The following FKBP4 variants were observed in gnomAD, a reference collection of about 807,000 sequenced individuals.
FKBP4 encodes peptidyl-prolyl cis-trans isomerase FKBP4.
FKBP4 carries 28 observed loss-of-function variants against 54.1 expected under a neutral mutation model. The ratio of observed to expected loss-of-function variants is 0.52; its 90% confidence interval spans 0.38 to 0.71. The LOEUF (loss-of-function observed/expected upper bound fraction) is 0.71. Among genes scored for constraint, FKBP4 ranks in the 30% least tolerant of loss-of-function variants. The pLI, the probability that FKBP4 is intolerant of heterozygous loss-of-function variation, is 0.00. For missense variants in FKBP4, 493 were observed against 574.4 expected, an observed-to-expected ratio of 0.86 and a Z score of 1.45; for synonymous variants, 223 against 216.1, an observed-to-expected ratio of 1.03 and a Z score of -0.28.
intron 3 of FKBP4, 79 bp downstream of exon 3, chr12:2,797,950 C>T (rs2097902800): frequency 6.6e-7 from 1 of 1,521,322 alleles, no homozygotes; most frequent in African/African-American, 1.4e-5. Context: ...TCCAGCCCTT[C>T]CTGCTTCTTG....
intron 8 of FKBP4, 90 bp downstream of exon 8, chr12:2,800,667 G>T: frequency 7.5e-7 from 1 of 1,332,102 alleles, no homozygotes; most frequent in Admixed American, 2.5e-5. Context: ...TTGGTGACTA[G>T]GGCAGGGATA....
chr12:2,795,256 CGGGGCCTGCGGAGGCGTCGGAACCCG>C lies in FKBP4; in HGVS notation c.105+16_105+41del. 7.7e-7 allele frequency: 1 copy of C among 1,293,426 alleles called. No homozygotes were observed. The highest frequency in any genetic ancestry group is 9.9e-7 in the Non-Finnish European group (1 of 1,009,188). 80.1% of individuals were successfully genotyped at this position (1,293,426 alleles called of 1,614,324 possible). On this transcript the variant is annotated intron_variant, in intron 1 of 9. Coordinates refer to ENST00000001008, the MANE Select transcript of FKBP4 (RefSeq NM_002014.4). This position sits in a 1 kb window ranked among gnomAD's most constrained non-coding sequence, Gnocchi z 4.3. ...AAGGCGTGCTGAAGGTGAGGGGCGGCGGGGCCTGCGGAGGCGTCGGAACCCGGGGCCCCGCGGGCCGCCCTTCCGCC... is the reference window on the plus strand; with the variant it reads ...AAGGCGTGCTGAAGGTGAGGGGCGGCGGGCCCCGCGGGCCGCCCTTCCGCC...
At chr12:2,796,089 G>GT in intron 1 of FKBP4, 1 of 1,196,790 alleles carries the variant, frequency 8.4e-7, no homozygotes, top group African/African-American at 1.6e-5. Flanking sequence ...CCTGCCTTGG[G>GT]TCGGAGCAGG....
chr12:2,803,461 C>G lies in FKBP4; in HGVS notation c.*203C>G. On this transcript the variant is annotated 3_prime_UTR_variant, in exon 10 of 10. Coordinates refer to ENST00000001008, the MANE Select transcript of FKBP4 (RefSeq NM_002014.4). The stretch of plus-strand genomic sequence containing the variant: ...ATCATTTTAGCTGGTGTCAGCCCCT[C>G]TTCCCTTCCTCCATTGCACATGAAC... 1.8e-6 allele frequency: 1 copy of G among 568,100 alleles called. No homozygotes were observed. The highest frequency in any genetic ancestry group is 2.2e-5 in the South Asian group (1 of 46,406). 35.2% of individuals were successfully genotyped at this position (568,100 alleles called of 1,614,324 possible).
rs1463842954 is a variant in FKBP4 at position 2,803,987 on chromosome 12, G to A, written c.*729G>A. On this transcript the variant is annotated 3_prime_UTR_variant, in exon 10 of 10. Coordinates refer to ENST00000001008, the MANE Select transcript of FKBP4 (RefSeq NM_002014.4). Reference sequence around the variant, plus strand: ...TTTCTGTTCAGCCTTGGAGTGGTGGGTATGGGTGGGTACATAATGGGTAGT... The same window carrying A: ...TTTCTGTTCAGCCTTGGAGTGGTGGATATGGGTGGGTACATAATGGGTAGT... 1 of 152,768 alleles carries A rather than the reference G, an allele frequency of 6.5e-6. No homozygotes were observed. The highest frequency in any genetic ancestry group is 1.5e-5 in the Non-Finnish European group (1 of 68,148). 9.5% of individuals were successfully genotyped at this position (152,768 alleles called of 1,614,324 possible). A position where few individuals can be genotyped will look rare whatever the true frequency, so the allele number is the denominator to read the frequency against.
At position 2,800,375 on chromosome 12, in the gene FKBP4, CCT is replaced by C. The variant is rs750364400; in HGVS notation, c.847-11_847-10del. On this transcript the variant is annotated splice_polypyrimidine_tract_variant and intron_variant, in intron 7 of 9. Coordinates refer to ENST00000001008, the MANE Select transcript of FKBP4 (RefSeq NM_002014.4). ...ACTGAAACTGTGCCAGGTGCCTGAG[CCT>C]CTCTCCCATTCCAGGAAGGTAAATA... is the stretch of plus-strand genomic sequence containing the variant. The C allele has an allele frequency of 5.0e-6, 8 of 1,599,178 alleles. No homozygotes were observed. The highest frequency in any genetic ancestry group is 4.5e-5 in the South Asian group (4 of 87,920).
intron 3 of FKBP4, 121 bp downstream of exon 3, chr12:2,797,992 C>T: frequency 1.6e-6 from 2 of 1,244,228 alleles, no homozygotes; most frequent in African/African-American, 3.0e-5. Context: ...AGGGTCTGGC[C>T]TTATGGGAGG....
In FKBP4 at chr12:2,797,340, G is replaced by A; in HGVS notation, c.250+58G>A. The A allele has an allele frequency of 1.9e-6, 3 of 1,598,954 alleles. No homozygotes were observed. The South Asian group carries it at 3.4e-5, about 18-fold the overall frequency. On this transcript the variant is annotated intron_variant, in intron 2 of 9. Transcript: ENST00000001008. ...TCGAGGTGGACACAAGCTGTCACAA[G>A]CAGAAACCATTTTCTCAGGACCAAG...
rs918813712 is a variant in FKBP4, at chr12:2,803,201, G to A, written c.1323G>A (p.Lys441=). The change falls in exon 10 of 10, where the codon AAG becomes AAA. Residue 441 remains lysine, a synonymous_variant. Transcript: ENST00000001008. ...SGDHPTDTEM[K]EEQKSNTAGS... ...ACCATCCCACTGACACAGAGATGAA[G>A]GAGGAGCAGAAGAGCAACACGGCAG... The A allele has an allele frequency of 2.5e-6, 4 of 1,606,048 alleles. No individual in the cohort carries two copies. Among genetic ancestry groups the A allele is most frequent in the Non-Finnish European group, 3.4e-6 (4 of 1,176,394 alleles).
intron 5 of FKBP4, 118 bp downstream of exon 5, chr12:2,799,362 C>T: frequency 9.4e-7 from 1 of 1,059,828 alleles, no homozygotes; most frequent in East Asian, 2.7e-5. Flanking sequence ...CAAACATACA[C>T]CATTATGATA....
At position 2,798,860 on chromosome 12, in the gene FKBP4, T is replaced by C. The variant is rs1472446271; in HGVS notation, c.514+34T>C. 1 of 1,607,762 alleles carries C rather than the reference T, an allele frequency of 6.2e-7. No individual in the cohort carries two copies. The highest frequency in any genetic ancestry group is 1.1e-5 in the South Asian group (1 of 90,966). ...GTACAGTCTGGGCTTTCAATTCTCA[T>C]TCTGATATTTAGGCCTTGTGTGGCT... is the stretch of plus-strand genomic sequence containing the variant. On this transcript the variant is annotated intron_variant, in intron 4 of 9. Coordinates refer to ENST00000001008, the MANE Select transcript of FKBP4 (RefSeq NM_002014.4). This position sits in a 1 kb window ranked among gnomAD's most constrained non-coding sequence, Gnocchi z 4.3.
chr12:2,797,864 T>C lies in FKBP4; in HGVS notation c.386T>C (p.Val129Ala). ...PPKIPPNATL[V>A]FEVELFEFKG... ...AAGATTCCCCCCAATGCCACGCTTG[T>C]ATTTGAGGTGAGTGTTTGGTCACTG... Residue 129 changes from valine to alanine, a missense_variant, in exon 3 of 10, where the codon GTA becomes GCA. Val to Ala is a moderately conservative substitution (Grantham distance 64, BLOSUM62 0). Transcript: ENST00000001008. 6.2e-7 allele frequency: 1 copy of C among 1,613,196 alleles called. No homozygotes were observed. Among genetic ancestry groups the C allele is most frequent in the Non-Finnish European group, 8.5e-7 (1 of 1,179,394 alleles).
rs376403617 is a variant in FKBP4 at position 2,805,234 on chromosome 12, A to G, written c.*1976A>G. ...TCTCTGAACTAATCCAGACTCTCCC[A>G]TGAGGTTCCTTTGGCAAGTCCTGGG... On this transcript the variant is annotated 3_prime_UTR_variant, in exon 10 of 10. Transcript: ENST00000001008. 4.4e-6 allele frequency: 2 copies of G among 453,920 alleles called. No individual in the cohort carries two copies. Among genetic ancestry groups the G allele is most frequent in the Non-Finnish European group, 8.8e-6 (2 of 226,216 alleles). 28.1% of individuals were successfully genotyped at this position (453,920 alleles called of 1,614,324 possible).
intron 9 of FKBP4, 131 bp from the exon 10 acceptor site, chr12:2,803,020 G>C (rs2097905690): frequency 6.0e-6 from 4 of 662,564 alleles, no homozygotes; most frequent in Non-Finnish European, 1.1e-5. Flanking sequence ...AAGCCACCAG[G>C]CTTGGCCTAT....
rs796742857 is a variant in FKBP4, at chr12:2,798,212, C to G, written c.393+341C>G. Among the ~76,000 whole-genome samples, 1 of 152,304 alleles carries G rather than the reference C, an allele frequency of 6.6e-6. No individual in the cohort carries two copies. The highest frequency in any genetic ancestry group is 2.4e-5 in the African/African-American group (1 of 41,560). The stretch of plus-strand genomic sequence containing the variant: ...AATGGCAGTACAGAATATTGGTGCT[C>G]TAGAGACCAGAAGAGGGAGCAGTAG... On this transcript the variant is annotated intron_variant, in intron 3 of 9. Coordinates refer to ENST00000001008, the MANE Select transcript of FKBP4 (RefSeq NM_002014.4). The surrounding 1 kb of genome is among the most constrained non-coding windows in gnomAD (Gnocchi z 4.3).
chr12:2,801,408 G>A (rs770067112), intron 9 of FKBP4, 52 bp downstream of exon 9: 2 of 1,605,082 alleles, frequency 1.2e-6, no homozygotes, highest in Admixed American at 3.4e-5. Context: ...ACTTAACCTG[G>A]CTACTGTGGG....
Position 2,805,085 on chromosome 12 carries a change from G to A in FKBP4, c.*1827G>A, listed in dbSNP as rs1044297818. The A allele has an allele frequency of 8.9e-6, 4 of 449,348 alleles. No individual in the cohort carries two copies. Among genetic ancestry groups the A allele is most frequent in the Admixed American group, 7.2e-5 (3 of 41,800 alleles). The allele number at this position is 449,348 out of a possible 1,614,324, so 27.8% of individuals were successfully genotyped here. On this transcript the variant is annotated 3_prime_UTR_variant, in exon 10 of 10. Coordinates refer to ENST00000001008, the MANE Select transcript of FKBP4 (RefSeq NM_002014.4). ...GCATTTATGGAGTAAGCCTAGCACT[G>A]TACTGACAGCATCACATGAGTGAAA...
At chr12:2,799,787 C>G (rs1470595550) in intron 5 of FKBP4, 63 bp from the exon 6 acceptor site, 12 of 1,423,184 alleles carry the variant, frequency 8.4e-6, no homozygotes, top group Admixed American at 3.4e-5. Flanking sequence ...GACAGGAAGC[C>G]TTTTCAGCCT....
In FKBP4 at chr12:2,797,071, C is replaced by G; in HGVS notation, c.106-67C>G. 6 of 1,594,952 alleles carry G rather than the reference C, an allele frequency of 3.8e-6. No homozygotes were observed. The South Asian group carries it at 6.8e-5, about 18-fold the overall frequency. On this transcript the variant is annotated intron_variant, in intron 1 of 9. Transcript: ENST00000001008. ...CCTTTATGTTCCCTCTGGAGGCTTGCAGGCAGTGCTGGTGCCCCTTTCTGC... is the reference window on the plus strand; with the variant it reads ...CCTTTATGTTCCCTCTGGAGGCTTGGAGGCAGTGCTGGTGCCCCTTTCTGC...
Sources: allele counts gnomAD v4.1 joint callset (sites outside exome capture counted in the v4.1 genomes callset), GRCh38; gene constraint gnomAD v4.1.1; non-coding constraint Gnocchi (gnomAD v3.1); transcripts MANE v1.5; gene names NCBI Gene and HGNC (gene_info 2026-07-23, HGNC 2026-07-21).